ANKRD12: variants seen among roughly 807,000 people sequenced by gnomAD.
ANKRD12 encodes the protein ankyrin repeat domain 12.
A neutral mutation model predicts 183.4 loss-of-function variants in ANKRD12; 85 were observed. The ratio of observed to expected loss-of-function variants is 0.46; its 90% confidence interval spans 0.39 to 0.56. The LOEUF is 0.56. Ranked by LOEUF, ANKRD12 falls within the 20% of genes least tolerant of loss-of-function variation. The pLI is 0.00. For missense variants in ANKRD12, 2,405 were observed against 2,357.1 expected, an observed-to-expected ratio of 1.02 and a Z score of -0.42; for synonymous variants, 914 against 800.2, an observed-to-expected ratio of 1.14 and a Z score of -2.40.
chr18:9,202,956 T>C (rs888924439), intron 3 of ANKRD12, among the ~76,000 whole-genome samples: 11 of 152,224 alleles, frequency 7.2e-5, no homozygotes, highest in Non-Finnish European at 1.0e-4. Flanking sequence ...TTAATATAAT[T>C]GAAAGCTTAG....
chr18:9,138,648 C>T (rs2078212656), intron 1 of ANKRD12, among the ~76,000 whole-genome samples: 1 of 152,194 alleles, frequency 6.6e-6, no homozygotes, highest in Non-Finnish European at 1.5e-5. Context: ...TCAGAACTGG[C>T]AGAACATATG....
intron 8 of ANKRD12, among the ~76,000 whole-genome samples, chr18:9,223,424 T>C (rs773905844): frequency 4.0e-5 from 6 of 151,836 alleles, no homozygotes; most frequent in Non-Finnish European, 7.4e-5. Context: ...CCGGCTAATA[T>C]TGTTTTTTAC....
intron 1 of ANKRD12, among the ~76,000 whole-genome samples, chr18:9,162,621 G>T (rs982413055): frequency 1.7e-4 from 26 of 152,078 alleles, no homozygotes; most frequent in African/African-American, 9.7e-5. Context: ...TTGAGGAATC[G>T]CCACGCTGTC....
chr18:9,237,816 G>A (rs1199849541), intron 8 of ANKRD12, among the ~76,000 whole-genome samples: 1 of 152,074 alleles, frequency 6.6e-6, no homozygotes, highest in East Asian at 1.9e-4. Context: ...ATGATGATTT[G>A]GATGGATGGA....
chr18:9,173,422 G>C lies in ANKRD12; in HGVS notation c.-51-8960G>C, dbSNP rs537392660. Among the ~76,000 whole-genome samples the C allele has an allele frequency of 2.6e-5, 4 of 152,160 alleles. No homozygotes were observed. In the East Asian group the frequency reaches 7.7e-4, roughly 29 times the overall value. ...TGGTGTCTTTTTTGTTGATACTCTTGTTGTTGTTTTCTGTTTTTCTTTTAA... is the reference window on the plus strand; with the variant it reads ...TGGTGTCTTTTTTGTTGATACTCTTCTTGTTGTTTTCTGTTTTTCTTTTAA... On this transcript the variant is annotated intron_variant, in intron 1 of 12. Transcript: ENST00000262126.
In ANKRD12 at chr18:9,204,561, G is replaced by A. The variant is rs530338120; in HGVS notation, c.304+17G>A. 1 of 1,541,430 alleles carries A rather than the reference G, an allele frequency of 6.5e-7. No individual in the cohort carries two copies. Among genetic ancestry groups the A allele is most frequent in the South Asian group, 1.2e-5 (1 of 83,224 alleles). On this transcript the variant is annotated intron_variant, in intron 4 of 12. Coordinates refer to ENST00000262126, the MANE Select transcript of ANKRD12 (RefSeq NM_015208.5). Reference sequence around the variant, plus strand: ...CATACTCAGGTAATTAGATTATCAGGTGTTCCTGTTTAGCCAGTGGTTTCT... The same window carrying A: ...CATACTCAGGTAATTAGATTATCAGATGTTCCTGTTTAGCCAGTGGTTTCT...
chr18:9,198,564 T>C (rs995378269), intron 3 of ANKRD12, among the ~76,000 whole-genome samples: 2 of 152,156 alleles, frequency 1.3e-5, no homozygotes, highest in Non-Finnish European at 2.9e-5. Context: ...TAACTATTAT[T>C]ATTTTGAGAC....
At chr18:9,242,472 A>G (rs1020910176) in intron 8 of ANKRD12, among the ~76,000 whole-genome samples, 2 of 151,732 alleles carry the variant, frequency 1.3e-5, no homozygotes, top group African/African-American at 4.8e-5. Flanking sequence ...ACAAAAAAAA[A>G]TGAGTTCAGC....
chr18:9,179,962 T>C (rs2033580098), intron 1 of ANKRD12, among the ~76,000 whole-genome samples: 1 of 152,264 alleles, frequency 6.6e-6, no homozygotes, highest in Non-Finnish European at 1.5e-5. Context: ...TGAGCAGATA[T>C]TTCTGTAAAC....
At chr18:9,175,767 G>A (rs2033215319) in intron 1 of ANKRD12, among the ~76,000 whole-genome samples, 1 of 151,840 alleles carries the variant, frequency 6.6e-6, no homozygotes, top group Non-Finnish European at 1.5e-5. Context: ...AGCTCAGGCA[G>A]TCTGCCTGCC....
At chr18:9,263,643 TC>T in intron 9 of ANKRD12, 146 bp from the exon 10 acceptor site, 1 of 452,782 alleles carries the variant, frequency 2.2e-6, no homozygotes, top group Non-Finnish European at 3.7e-6. Context: ...GAAGTAACAA[TC>T]AGTTCTATAA....
At position 9,283,201 on chromosome 18, in the gene ANKRD12, T is replaced by G. The variant is rs1001896178; in HGVS notation, c.*2075T>G. 6.6e-6 allele frequency: 1 copy of G among 152,210 alleles called. No individual in the cohort carries two copies. The highest frequency in any genetic ancestry group is 1.5e-5 in the Non-Finnish European group (1 of 68,012). The allele number at this position is 152,210 out of a possible 1,614,324, so 9.4% of individuals were successfully genotyped here. A position where few individuals can be genotyped will look rare whatever the true frequency, so the allele number is the denominator to read the frequency against. On this transcript the variant is annotated 3_prime_UTR_variant, in exon 13 of 13. Coordinates refer to ENST00000262126, the MANE Select transcript of ANKRD12 (RefSeq NM_015208.5). ...CAGAGAGGGGTAAGTTTATAGGGCA[T>G]TTTGTTCTGATGGTTCAACCAGAGG...
At chr18:9,182,170 C>G (rs903682689) in intron 1 of ANKRD12, among the ~76,000 whole-genome samples, 3 of 152,096 alleles carry the variant, frequency 2.0e-5, no homozygotes, top group African/African-American at 7.2e-5. Context: ...TTACTTGTCT[C>G]GAGAATACAG....
At position 9,255,268 on chromosome 18, in the gene ANKRD12, A is replaced by G; in HGVS notation, c.2001A>G (p.Lys667=). 1 of 1,573,130 alleles carries G rather than the reference A, an allele frequency of 6.4e-7. No homozygotes were observed. The highest frequency in any genetic ancestry group is 8.6e-7 in the Non-Finnish European group (1 of 1,168,132). ...AGAGGGAAAAAGAAAAGCATAAAAA[A>G]GAAATTGAAGGTGAAAAGGAAAAAT... ...HKEREKEKHK[K]EIEGEKEKYK... The change falls in exon 9 of 13, where the codon AAA becomes AAG. Residue 667 remains lysine, a synonymous_variant. Coordinates refer to ENST00000262126, the MANE Select transcript of ANKRD12 (RefSeq NM_015208.5).
At chr18:9,276,798 G>T (rs75859743) in intron 11 of ANKRD12, among the ~76,000 whole-genome samples, 2 of 152,272 alleles carry the variant, frequency 1.3e-5, no homozygotes, top group East Asian at 3.9e-4. Context: ...CTATTAACAT[G>T]AATAATTGTG....
At chr18:9,208,509 C>T in intron 4 of ANKRD12, 148 bp from the exon 5 acceptor site, 2 of 488,764 alleles carry the variant, frequency 4.1e-6, no homozygotes, top group Non-Finnish European at 6.9e-6. Flanking sequence ...ATATAAAACC[C>T]ATTGTGCTTT....
At chr18:9,158,117 T>A (rs921307787) in intron 1 of ANKRD12, among the ~76,000 whole-genome samples, 9 of 152,176 alleles carry the variant, frequency 5.9e-5, no homozygotes, top group African/African-American at 9.7e-5. Flanking sequence ...AGAAACTTTT[T>A]AAAATAAACT....
chr18:9,269,068 G>A (rs2145383503), intron 10 of ANKRD12, among the ~76,000 whole-genome samples: 1 of 152,284 alleles, frequency 6.6e-6, no homozygotes, highest in South Asian at 2.1e-4. Flanking sequence ...TACAAGGGAT[G>A]TGAAGGACCT....
chr18:9,194,124 G>A (rs2034626243), intron 2 of ANKRD12, among the ~76,000 whole-genome samples: 1 of 151,830 alleles, frequency 6.6e-6, no homozygotes, highest in African/African-American at 2.4e-5. Context: ...CTTCTTTATT[G>A]GTAAATAATA....
Sources: allele counts gnomAD v4.1 joint callset (sites outside exome capture counted in the v4.1 genomes callset), GRCh38; gene constraint gnomAD v4.1.1; transcripts MANE v1.5; gene names NCBI Gene and HGNC (gene_info 2026-07-23, HGNC 2026-07-21).